The following PCDHGB6 variants were observed in gnomAD, a reference collection of about 807,000 sequenced individuals.
The protein encoded by PCDHGB6 is protocadherin gamma-B6.
Under a neutral mutation model 59.1 loss-of-function variants are expected in PCDHGB6, and 51 were observed. The ratio of observed to expected loss-of-function variants is 0.86; its 90% CI spans 0.69 to 1.09. PCDHGB6 has a LOEUF of 1.09. PCDHGB6 is among the 50% of genes least tolerant of loss of function. The pLI is 0.00. For missense variants in PCDHGB6, 1,148 were observed against 1,205.1 expected, an observed-to-expected ratio of 0.95 and a Z score of 0.70; for synonymous variants, 466 against 495.1, an observed-to-expected ratio of 0.94 and a Z score of 0.78.
intron 1 of PCDHGB6, among the ~76,000 whole-genome samples, chr5:141,456,052 C>T (rs2098841739): frequency 1.3e-5 from 2 of 151,970 alleles, no homozygotes; most frequent in South Asian, 4.1e-4. Flanking sequence ...CGCCCACCAC[C>T]ACGTCCGGCT....
intron 1 of PCDHGB6, chr5:141,419,601 C>A (rs753678898): frequency 6.2e-7 from 1 of 1,611,818 alleles, no homozygotes; most frequent in Admixed American, 1.7e-5. Flanking sequence ...GTGCCGCGGG[C>A]CGCGCAGCCA....
In PCDHGB6 at chr5:141,483,740, A is replaced by T. The variant is rs2099586227; in HGVS notation, c.2419-11067A>T. Among the ~76,000 whole-genome samples, 4 of 152,148 alleles carry T rather than the reference A, an allele frequency of 2.6e-5. No homozygotes were observed. The South Asian group carries it at 8.3e-4, about 32-fold the overall frequency. ...TGGTTCCCACCATAGTCAAAAGGATATTCCTGAGGATCGAGGCTTGGAAAA... is the reference window on the plus strand; with the variant it reads ...TGGTTCCCACCATAGTCAAAAGGATTTTCCTGAGGATCGAGGCTTGGAAAA... On this transcript the variant is annotated intron_variant, in intron 1 of 3. Transcript: ENST00000520790.
At chr5:141,442,205 A>G (rs2098308049) in intron 1 of PCDHGB6, 1 of 153,214 alleles carries the variant, frequency 6.5e-6, no homozygotes, top group Admixed American at 6.5e-5. Context: ...ATATCTGGTG[A>G]TTGCCTTAGC....
In PCDHGB6 at chr5:141,432,967, G is replaced by T; in HGVS notation, c.2418+22347G>T. ...CAGGAGGCGGCTTGACAGGAGCGCC[G>T]GCGTCGCACTTTGTGGGCGTGGACG... On this transcript the variant is annotated intron_variant, in intron 1 of 3. Coordinates refer to ENST00000520790, the MANE Select transcript of PCDHGB6 (RefSeq NM_018926.3). The surrounding 1 kb of genome is among the most constrained non-coding windows in gnomAD (Gnocchi z 6.0). 1 of 1,614,190 alleles carries T rather than the reference G, an allele frequency of 6.2e-7. No homozygotes were observed. The highest frequency in any genetic ancestry group is 2.2e-5 in the East Asian group (1 of 44,854).
At chr5:141,446,093 GA>G (rs1217618203) in intron 1 of PCDHGB6, among the ~76,000 whole-genome samples, 1 of 152,118 alleles carries the variant, frequency 6.6e-6, no homozygotes, top group Admixed American at 6.5e-5. Flanking sequence ...ATAAATGGAT[GA>G]ATTATAGATA....
chr5:141,497,003 A>C (rs928317358), intron 2 of PCDHGB6, among the ~76,000 whole-genome samples: 2 of 152,148 alleles, frequency 1.3e-5, no homozygotes, highest in African/African-American at 4.8e-5. Context: ...CTGGCAGCCA[A>C]CATGGTGAAA....
intron 1 of PCDHGB6, chr5:141,421,143 A>T (rs2096549098): frequency 3.1e-6 from 3 of 964,414 alleles, no homozygotes; most frequent in Non-Finnish European, 4.5e-6. Flanking sequence ...TTTTGGATGT[A>T]GTCGGCCTAG....
chr5:141,455,494 T>C (rs1223531150), intron 1 of PCDHGB6, among the ~76,000 whole-genome samples: 2 of 152,214 alleles, frequency 1.3e-5, no homozygotes, highest in African/African-American at 4.8e-5. Context: ...AGGTGATGTC[T>C]GATTTGCATA....
chr5:141,490,062 C>A lies in PCDHGB6; in HGVS notation c.2419-4745C>A, dbSNP rs758715682. 6.2e-7 allele frequency: 1 copy of A among 1,614,218 alleles called. No homozygotes were observed. The highest frequency in any genetic ancestry group is 1.1e-5 in the South Asian group (1 of 91,082). ...CCACTGATCCAGACGAGGGCACCAA[C>A]GGCCAACTAGACTATTCTTTTGGAG... On this transcript the variant is annotated intron_variant, in intron 1 of 3. Coordinates refer to ENST00000520790, the MANE Select transcript of PCDHGB6 (RefSeq NM_018926.3). The surrounding 1 kb of genome is among the most constrained non-coding windows in gnomAD (Gnocchi z 5.4).
At chr5:141,449,521 G>A (rs1238503983) in intron 1 of PCDHGB6, among the ~76,000 whole-genome samples, 4 of 150,262 alleles carry the variant, frequency 2.7e-5, no homozygotes, top group African/African-American at 9.8e-5. Flanking sequence ...CCTGGGAGGC[G>A]GAGGTTGCAG....
Position 141,477,917 on chromosome 5 carries a change from G to C in PCDHGB6, c.2419-16890G>C. 6.2e-7 allele frequency: 1 copy of C among 1,614,186 alleles called. No individual in the cohort carries two copies. The highest frequency in any genetic ancestry group is 2.2e-5 in the East Asian group (1 of 44,868). On this transcript the variant is annotated intron_variant, in intron 1 of 3. Transcript: ENST00000520790. The surrounding 1 kb of genome is among the most constrained non-coding windows in gnomAD (Gnocchi z 4.9). ...GGTGGTAGGCTGGGACGCGGATGCA[G>C]GGCACAATGCCTGGCTCTCCTACAG...
chr5:141,452,360 C>A (rs1045666881), intron 1 of PCDHGB6, among the ~76,000 whole-genome samples: 3 of 152,172 alleles, frequency 2.0e-5, no homozygotes, highest in Non-Finnish European at 4.4e-5. Flanking sequence ...AAAAGCCTTG[C>A]TTCATTTTAG....
At chr5:141,429,735 T>C (rs911956546) in intron 1 of PCDHGB6, among the ~76,000 whole-genome samples, 1 of 152,202 alleles carries the variant, frequency 6.6e-6, no homozygotes. Flanking sequence ...ACGTAGCCAG[T>C]TATTTCTTAG....
chr5:141,483,716 G>C (rs772661472), intron 1 of PCDHGB6, among the ~76,000 whole-genome samples: 1 of 151,974 alleles, frequency 6.6e-6, no homozygotes, highest in Non-Finnish European at 1.5e-5. Context: ...CCAGAATATT[G>C]GTTCCCACCA....
intron 1 of PCDHGB6, chr5:141,426,778 C>A (rs780981970): frequency 2.2e-6 from 1 of 456,716 alleles, no homozygotes; most frequent in South Asian, 1.5e-5. Context: ...GGGCCTCACT[C>A]TCTCCAGAGT....
intron 1 of PCDHGB6, among the ~76,000 whole-genome samples, chr5:141,492,437 C>T (rs182333697): frequency 8.5e-5 from 13 of 152,332 alleles, no homozygotes; most frequent in Admixed American, 8.5e-4. Flanking sequence ...CAGGAGTACT[C>T]GTAGCTGATT....
At chr5:141,488,331 T>C (rs535498873) in intron 1 of PCDHGB6, among the ~76,000 whole-genome samples, 22 of 152,218 alleles carry the variant, frequency 1.4e-4, no homozygotes, top group Non-Finnish European at 3.1e-4. Context: ...TACAGTTGGC[T>C]GATTCATAGA....
In PCDHGB6 at chr5:141,503,604, A is replaced by G. The variant is rs189211439; in HGVS notation, c.2478-1789A>G. 5.2e-3 allele frequency among the ~76,000 whole-genome samples: 793 copies of G among 151,946 alleles called. 3 individuals carry two copies. The highest frequency in any genetic ancestry group is 8.3e-3 in the Non-Finnish European group (566 of 67,924). On this transcript the variant is annotated intron_variant, in intron 2 of 3. Coordinates refer to ENST00000520790, the MANE Select transcript of PCDHGB6 (RefSeq NM_018926.3). ...ACAGAGCGAGACTCCAGCTCAAAAA[A>G]AAAAAAAAAAGAAAAAAGAAAAGAA...
At position 141,486,538 on chromosome 5, in the gene PCDHGB6, C is replaced by A; in HGVS notation, c.2419-8269C>A. 1 of 1,614,150 alleles carries A rather than the reference C, an allele frequency of 6.2e-7. No individual in the cohort carries two copies. Among genetic ancestry groups the A allele is most frequent in the Non-Finnish European group, 8.5e-7 (1 of 1,180,038 alleles). ...ATGTGAATGATAATCCACCCTCTTTCTTTCAGAGGTCACATGAGGTGTTTG... is the reference window on the plus strand; with the variant it reads ...ATGTGAATGATAATCCACCCTCTTTATTTCAGAGGTCACATGAGGTGTTTG... On this transcript the variant is annotated intron_variant, in intron 1 of 3. Coordinates refer to ENST00000520790, the MANE Select transcript of PCDHGB6 (RefSeq NM_018926.3). This position sits in a 1 kb window ranked among gnomAD's most constrained non-coding sequence, Gnocchi z 5.0.
Sources: allele counts gnomAD v4.1 joint callset (sites outside exome capture counted in the v4.1 genomes callset), GRCh38; gene constraint gnomAD v4.1.1; non-coding constraint Gnocchi (gnomAD v3.1); transcripts MANE v1.5; gene names NCBI Gene and HGNC (gene_info 2026-07-23, HGNC 2026-07-21).